The following SLIT3 variants were observed in gnomAD, a reference collection of about 807,000 sequenced individuals.
SLIT3 encodes the protein slit guidance ligand 3.
In SLIT3, 68 loss-of-function variants were observed where a neutral mutation model predicts 184.0. That is an observed-to-expected ratio of 0.37 (90% CI 0.30 to 0.45). The LOEUF (loss-of-function observed/expected upper bound fraction) is 0.45, where lower values mean the gene tolerates loss of function less well. Among genes scored for constraint, SLIT3 ranks in the 20% least tolerant of loss-of-function variants. The pLI is 1.00. For synonymous variants in SLIT3, 831 were observed against 828.6 expected, an observed-to-expected ratio of 1.00 and a Z score of -0.05; for missense variants, 1,707 against 2,026.0, an observed-to-expected ratio of 0.84 and a Z score of 3.02.
chr5:169,281,876 C>T (rs941578792), intron 1 of SLIT3, among the ~76,000 whole-genome samples: 2 of 13,406 alleles, frequency 1.5e-4, no homozygotes, highest in Non-Finnish European at 4.8e-4. Context: ...AGGTAATTTT[C>T]CCCCCCAGGG....
intron 4 of SLIT3, among the ~76,000 whole-genome samples, chr5:168,994,528 C>T (rs1407216024): frequency 6.6e-6 from 1 of 151,112 alleles, no homozygotes; most frequent in East Asian, 1.9e-4. Flanking sequence ...ATCTTACCTC[C>T]AAGGCTAACA....
In SLIT3 at chr5:169,300,144, C is replaced by A. The variant is rs1043613448; in HGVS notation, c.197+369G>T. Among the ~76,000 whole-genome samples, 27 of 152,364 alleles carry A rather than the reference C, an allele frequency of 1.8e-4. No individual in the cohort carries two copies. Among genetic ancestry groups the A allele is most frequent in the African/African-American group, 6.5e-4 (27 of 41,594 alleles). On this transcript the variant is annotated intron_variant, in intron 1 of 35. Transcript: ENST00000519560. The surrounding 1 kb of genome is among the most constrained non-coding windows in gnomAD (Gnocchi z 4.1). ...CATCATCCTATAGCTTTCTCCTTCG[C>A]CCGCCCCCCTTTTTAACGAGCGCAG...
chr5:168,702,245 G>GCTTA (rs1219881685), intron 26 of SLIT3, among the ~76,000 whole-genome samples: 1 of 152,192 alleles, frequency 6.6e-6, no homozygotes, highest in Non-Finnish European at 1.5e-5. Context: ...CTCATGCTAA[G>GCTTA]TGTTTTATAT....
chr5:168,769,710 G>A (rs888712886), intron 14 of SLIT3, among the ~76,000 whole-genome samples: 7 of 152,250 alleles, frequency 4.6e-5, no homozygotes, highest in African/African-American at 9.6e-5. Flanking sequence ...CGTGCAAACC[G>A]CCACCCTCAC....
chr5:169,019,337 G>A (rs916857985), intron 4 of SLIT3, among the ~76,000 whole-genome samples: 4 of 152,210 alleles, frequency 2.6e-5, no homozygotes, highest in Non-Finnish European at 4.4e-5. Flanking sequence ...TCTGCCCTTT[G>A]CTTTGCGTTA....
intron 4 of SLIT3, among the ~76,000 whole-genome samples, chr5:168,884,546 CGAGATATATATA>C (rs1250021256): frequency 9.6e-5 from 1 of 10,396 alleles, no homozygotes; most frequent in Non-Finnish European, 1.7e-4. Flanking sequence ...CTACCAATTA[CGAGATATATATA>C]TATATATATA....
At chr5:168,986,733 A>T (rs139682693) in intron 4 of SLIT3, among the ~76,000 whole-genome samples, 56 of 152,350 alleles carry the variant, frequency 3.7e-4, no homozygotes, top group African/African-American at 1.2e-3. Flanking sequence ...GAATGTGACC[A>T]TGGGTGAGTG....
In SLIT3 at chr5:168,774,288, C is replaced by T; in HGVS notation, c.1242G>A (p.Lys414=). ...NLNLLSLYDN[K]LQTISKGLFA... ...AGAGCCCCTTGCTGATGGTCTGCAG[C>T]TTGTTGTCATACAGGGAGAGCAAGT... Residue 414 remains lysine, a synonymous_variant, in exon 13 of 36, where the codon AAG becomes AAA. Transcript: ENST00000519560. 6.2e-7 allele frequency: 1 copy of T among 1,614,084 alleles called. No homozygotes were observed. The highest frequency in any genetic ancestry group is 8.5e-7 in the Non-Finnish European group (1 of 1,179,978).
chr5:168,788,031 G>A (rs758199506), intron 11 of SLIT3, among the ~76,000 whole-genome samples: 2 of 152,034 alleles, frequency 1.3e-5, no homozygotes, highest in African/African-American at 2.4e-5. Flanking sequence ...TTTCAGAATC[G>A]GGCAGCAGCA....
At chr5:169,198,001 T>C (rs2113480615) in intron 3 of SLIT3, among the ~76,000 whole-genome samples, 1 of 152,312 alleles carries the variant, frequency 6.6e-6, no homozygotes, top group African/African-American at 2.4e-5. Flanking sequence ...ATTCAACCAT[T>C]CATCCATCCA....
intron 4 of SLIT3, among the ~76,000 whole-genome samples, chr5:169,096,336 G>A (rs1190303532): frequency 6.6e-6 from 1 of 152,162 alleles, no homozygotes; most frequent in Non-Finnish European, 1.5e-5. Context: ...GTACCTGTGT[G>A]TGTCTCCAAG....
At chr5:168,916,818 T>C (rs530764928) in intron 4 of SLIT3, among the ~76,000 whole-genome samples, 2 of 152,256 alleles carry the variant, frequency 1.3e-5, no homozygotes, top group Non-Finnish European at 2.9e-5. Flanking sequence ...TTTTTTCTCC[T>C]TCTTTCTCCA....
chr5:169,115,553 G>A (rs144729767), intron 4 of SLIT3, among the ~76,000 whole-genome samples: 1 of 152,242 alleles, frequency 6.6e-6, no homozygotes, highest in East Asian at 1.9e-4. Flanking sequence ...GGCCAGGGAG[G>A]GATTCCACAG....
intron 5 of SLIT3, among the ~76,000 whole-genome samples, chr5:168,862,275 G>A (rs1314381933): frequency 6.6e-6 from 1 of 152,156 alleles, no homozygotes; most frequent in Non-Finnish European, 1.5e-5. Flanking sequence ...CTGCTCAGGT[G>A]ATGAGCGCAC....
chr5:169,269,563 A>G (rs756850596), intron 1 of SLIT3, among the ~76,000 whole-genome samples: 5 of 152,268 alleles, frequency 3.3e-5, no homozygotes, highest in Admixed American at 6.5e-5. Flanking sequence ...TGCAGCTGTC[A>G]GGAAGCTTGG....
At chr5:168,827,228 T>G (rs759262991) in intron 6 of SLIT3, among the ~76,000 whole-genome samples, 2 of 152,332 alleles carry the variant, frequency 1.3e-5, no homozygotes, top group Non-Finnish European at 2.9e-5. Context: ...TGTAACAGAT[T>G]ACCATGGATT....
At chr5:168,814,957 G>A (rs1360848664) in intron 8 of SLIT3, among the ~76,000 whole-genome samples, 1 of 152,164 alleles carries the variant, frequency 6.6e-6, no homozygotes, top group Non-Finnish European at 1.5e-5. Flanking sequence ...ACCCATGGGA[G>A]TCTGCTAAGG....
chr5:169,268,608 G>A (rs141301302), intron 1 of SLIT3, among the ~76,000 whole-genome samples: 5 of 152,270 alleles, frequency 3.3e-5, no homozygotes, highest in South Asian at 2.1e-4. Flanking sequence ...AACAGGGCAC[G>A]GAGTTGAGGA....
intron 5 of SLIT3, among the ~76,000 whole-genome samples, chr5:168,878,963 C>T (rs1005218525): frequency 5.9e-5 from 9 of 152,208 alleles, no homozygotes; most frequent in African/African-American, 2.2e-4. Context: ...GATCCACCCG[C>T]CTTGGCCTCC....
Sources: gnomAD v4.1 joint callset for allele counts (sites outside exome capture counted in the v4.1 genomes callset) on GRCh38, gnomAD v4.1.1 for gene constraint, Gnocchi (gnomAD v3.1) non-coding constraint, MANE v1.5 for transcripts, NCBI Gene and HGNC (gene_info 2026-07-23, HGNC 2026-07-21) for gene names.